The following ZNF721 variants were observed in gnomAD, a reference collection of about 807,000 sequenced individuals.
ZNF721 encodes zinc finger protein 721.
A neutral mutation model predicts 2.4 loss-of-function variants in ZNF721; 2 were observed. That is an observed-to-expected ratio of 0.82 (90% CI 0.34 to 2.58). ZNF721 has a LOEUF of 2.58. Among genes scored for constraint, ZNF721 ranks in the 30% most tolerant of loss-of-function variants. The pLI, the probability that ZNF721 is intolerant of heterozygous loss-of-function variation, is 0.11. For synonymous variants in ZNF721, 398 were observed against 381.8 expected (o/e 1.04, Z -0.50); for missense variants, 1,187 against 1,085.5 (o/e 1.09, Z -1.31).
intron 2 of ZNF721, among the ~76,000 whole-genome samples, chr4:461,340 C>A (rs1480746121): frequency 6.6e-6 from 1 of 152,086 alleles, no homozygotes; most frequent in Non-Finnish European, 1.5e-5. Flanking sequence ...TAAACAGAAC[C>A]GATGACAAAA....
chr4:442,832 A>C lies in ZNF721; in HGVS notation c.1635T>G (p.Tyr545Ter). The C allele has an allele frequency of 3.1e-6, 5 of 1,613,892 alleles. No homozygotes were observed. The highest frequency in any genetic ancestry group is 2.5e-6 in the Non-Finnish European group (3 of 1,179,908). ...GKAFRQSAIL[Y>*]VHRRIHTGEK... ...CTCCAGTATGAATTCTCCTATGTAC[A>C]TAAAGGATTGCGGACTGTCTAAAGG... The change falls in exon 3 of 3, where the codon TAT becomes TAG. Residue 545 changes from tyrosine to a stop codon, truncating the protein, a stop_gained. Coordinates refer to ENST00000511833, the MANE Select transcript of ZNF721 (RefSeq NM_133474.4). LOFTEE classifies it low-confidence loss of function (END_TRUNC).
chr4:480,852 T>A (rs1715754881), intron 1 of ZNF721, among the ~76,000 whole-genome samples: 1 of 145,366 alleles, frequency 6.9e-6, no homozygotes, highest in Non-Finnish European at 1.5e-5. Context: ...GTTATACACA[T>A]GTGTGTGCAA....
At position 441,769 on chromosome 4, in the gene ZNF721, T is replaced by C; in HGVS notation, c.2698A>G (p.Lys900Glu). The C allele has an allele frequency of 6.2e-7, 1 of 1,613,784 alleles. No homozygotes were observed. The highest frequency in any genetic ancestry group is 8.5e-7 in the Non-Finnish European group (1 of 1,179,846). ...AGATTTGCAGACTGTCTAAAGGTTT[T>C]GCCACAGTCTCCACACGTGTAGGGT... is the stretch of plus-strand genomic sequence containing the variant. ...EKPYTCGDCG[K>E]TFRQSANLYA... Residue 900 changes from lysine to glutamate, a missense_variant, in exon 3 of 3, where the codon AAA (lysine) becomes GAA (glutamate). Transcript: ENST00000511833.
At position 480,629 on chromosome 4, in the gene ZNF721, G is replaced by A. The variant is rs192851747; in HGVS notation, c.-93-7928C>T. 3.1e-3 allele frequency among the ~76,000 whole-genome samples: 469 copies of A among 152,108 alleles called. 2 individuals are homozygous for A. The highest frequency in any genetic ancestry group is 5.6e-3 in the Admixed American group (86 of 15,280). Reference sequence around the variant, plus strand: ...TAAGTTTGACTACTTGAGATAGCTCGTATAAATGGAATTATATGAGCTTTG... The same window carrying A: ...TAAGTTTGACTACTTGAGATAGCTCATATAAATGGAATTATATGAGCTTTG... On this transcript the variant is annotated intron_variant, in intron 1 of 2. Coordinates refer to ENST00000511833, the MANE Select transcript of ZNF721 (RefSeq NM_133474.4).
intron 1 of ZNF721, among the ~76,000 whole-genome samples, chr4:487,561 G>C (rs1715927306): frequency 3.9e-5 from 6 of 152,194 alleles, no homozygotes; most frequent in Admixed American, 3.9e-4. Flanking sequence ...TTATAGCTTA[G>C]TAATATATAC....
intron 2 of ZNF721, among the ~76,000 whole-genome samples, chr4:451,508 G>A (rs1714660728): frequency 1.3e-5 from 2 of 152,148 alleles, no homozygotes; most frequent in African/African-American, 4.8e-5. Context: ...CACAGATGGT[G>A]GCTGACTCTG....
chr4:455,790 T>C (rs988407543), intron 2 of ZNF721, among the ~76,000 whole-genome samples: 2 of 152,136 alleles, frequency 1.3e-5, no homozygotes, highest in Non-Finnish European at 1.5e-5. Context: ...TAAGACAAAA[T>C]GTAGAGATCC....
intron 1 of ZNF721, among the ~76,000 whole-genome samples, chr4:483,293 G>A (rs1442613393): frequency 5.9e-5 from 9 of 152,336 alleles, no homozygotes; most frequent in Non-Finnish European, 1.3e-4. Flanking sequence ...GCTCACGCCT[G>A]TAATCCCAGC....
At chr4:474,244 G>GA in intron 1 of ZNF721, 1 of 366,572 alleles carries the variant, frequency 2.7e-6, no homozygotes, top group Admixed American at 3.8e-5. Flanking sequence ...TATGGGTCCA[G>GA]GCTTCACGCC....
Position 444,089 on chromosome 4 carries a change from T to G in ZNF721, c.378A>C (p.Gln126His). 6.2e-7 allele frequency: 1 copy of G among 1,614,206 alleles called. No homozygotes were observed. Among genetic ancestry groups the G allele is most frequent in the Non-Finnish European group, 8.5e-7 (1 of 1,180,012 alleles). ...TCTCTCCAGCATGAATTCCTTTATG[T>G]TGAGTTAGGTCTGAGAACTTCTGAA... is the stretch of plus-strand genomic sequence containing the variant. ...KSFQKFSDLT[Q>H]HKGIHAGEKP... Residue 126 changes from glutamine to histidine, a missense_variant, in exon 3 of 3, where the codon CAA (glutamine) becomes CAC (histidine). Physicochemically the swap from Gln to His is conservative, Grantham distance 24. Coordinates refer to ENST00000511833, the MANE Select transcript of ZNF721 (RefSeq NM_133474.4).
chr4:462,096 T>A (rs1242685862), intron 2 of ZNF721, among the ~76,000 whole-genome samples: 1 of 151,966 alleles, frequency 6.6e-6, no homozygotes, highest in Non-Finnish European at 1.5e-5. Context: ...ATCACAACAT[T>A]CCTATATACC....
Position 442,527 on chromosome 4 carries a change from CCA to C in ZNF721, c.1938_1939del (p.Cys646TrpfsTer26). 1 of 1,613,866 alleles carries C rather than the reference CCA, an allele frequency of 6.2e-7. No individual in the cohort carries two copies. The highest frequency in any genetic ancestry group is 8.5e-7 in the Non-Finnish European group (1 of 1,179,844). On this transcript the variant is annotated frameshift_variant, in exon 3 of 3. Coordinates refer to ENST00000511833, the MANE Select transcript of ZNF721 (RefSeq NM_133474.4). LOFTEE classifies it low-confidence loss of function (END_TRUNC). ...GTCTGTTGATGGGGCAAAGGCTTTG[CCA>C]CACTCTTCACATTTGTAAGGTTTCT... is the stretch of plus-strand genomic sequence containing the variant.
At position 486,191 on chromosome 4, in the gene ZNF721, G is replaced by A. The variant is rs541184730; in HGVS notation, c.-94+12865C>T. Among the ~76,000 whole-genome samples the A allele has an allele frequency of 6.1e-4, 86 of 140,720 alleles. 2 individuals carry two copies. The South Asian group carries it at 0.018, about 30-fold the overall frequency. The allele number at this position is 140,720 out of a possible 152,430, so 92.3% of individuals were successfully genotyped here. A position where few individuals can be genotyped will look rare whatever the true frequency, so the allele number is the denominator to read the frequency against. On this transcript the variant is annotated intron_variant, in intron 1 of 2. Transcript: ENST00000511833. The stretch of plus-strand genomic sequence containing the variant: ...TTTTTTTTTTTTGAGACGGAGTCTC[G>A]CTCTGTCGCCCAGGCTGCATGCAGT...
chr4:474,239 G>C (rs373903396), intron 1 of ZNF721: 2 of 369,886 alleles, frequency 5.4e-6, no homozygotes, highest in African/African-American at 2.1e-5. Context: ...TTGGATATGG[G>C]TCCAGGCTTC....
intron 1 of ZNF721, among the ~76,000 whole-genome samples, chr4:484,982 C>A (rs1465461098): frequency 6.6e-6 from 1 of 152,126 alleles, no homozygotes; most frequent in Non-Finnish European, 1.5e-5. Flanking sequence ...CCCCCAGACA[C>A]CCAGCTTTAA....
At chr4:485,930 G>C (rs1715884382) in intron 1 of ZNF721, among the ~76,000 whole-genome samples, 1 of 152,010 alleles carries the variant, frequency 6.6e-6, no homozygotes, top group African/African-American at 2.4e-5. Context: ...AGCTGAGATT[G>C]TGCCACTGCA....
intron 2 of ZNF721, among the ~76,000 whole-genome samples, chr4:446,393 T>C (rs908424900): frequency 6.6e-6 from 1 of 151,252 alleles, no homozygotes; most frequent in Non-Finnish European, 1.5e-5. Context: ...TTTTTTTTTT[T>C]TTTTTGAGAC....
At chr4:485,321 G>A (rs1271403054) in intron 1 of ZNF721, among the ~76,000 whole-genome samples, 7 of 152,002 alleles carry the variant, frequency 4.6e-5, no homozygotes, top group Non-Finnish European at 2.9e-5. Flanking sequence ...CATGGTTTCA[G>A]TTTTGGGGAA....
In ZNF721 at chr4:443,596, T is replaced by C. The variant is rs782061303; in HGVS notation, c.871A>G (p.Thr291Ala). 3 of 1,613,776 alleles carry C rather than the reference T, an allele frequency of 1.9e-6. No individual in the cohort carries two copies. The highest frequency in any genetic ancestry group is 1.1e-5 in the South Asian group (1 of 91,062). ...TGAATTCTCCTATGTTTAGTAAGGG[T>C]TGTGGAAATATTAAAGGCTTTACCA... is the stretch of plus-strand genomic sequence containing the variant. ...ECGKAFNISTTLTKHRRIHTG... is the reference protein window; with the variant it reads ...ECGKAFNISTALTKHRRIHTG... Residue 291 changes from threonine (T) to alanine (A), a missense_variant, in exon 3 of 3, where the codon ACC (threonine) becomes GCC (alanine). Coordinates refer to ENST00000511833, the MANE Select transcript of ZNF721 (RefSeq NM_133474.4).
Sources: allele counts gnomAD v4.1 joint callset (sites outside exome capture counted in the v4.1 genomes callset), GRCh38; gene constraint gnomAD v4.1.1; transcripts MANE v1.5; gene names NCBI Gene and HGNC (gene_info 2026-07-23, HGNC 2026-07-21).